AKAP9: variants seen among roughly 807,000 people sequenced by gnomAD.
The protein encoded by AKAP9 is A-kinase anchor protein 9.
AKAP9 carries 311 observed loss-of-function variants against 488.5 expected under a neutral mutation model. The ratio of observed to expected loss-of-function variants is 0.64; its 90% CI spans 0.58 to 0.70. The LOEUF (loss-of-function observed/expected upper bound fraction) is 0.70. Ranked by LOEUF, AKAP9 falls within the 30% of genes least tolerant of loss-of-function variation. AKAP9 has a pLI of 0.00. For synonymous variants in AKAP9, 1,462 were observed against 1,483.5 expected, an observed-to-expected ratio of 0.99 and a Z score of 0.33; for missense variants, 4,215 against 4,374.5, an observed-to-expected ratio of 0.96 and a Z score of 1.03.
chr7:92,029,061 C>A (rs556844160), intron 14 of AKAP9, among the ~76,000 whole-genome samples: 156 of 150,676 alleles, frequency 1.0e-3, no homozygotes, highest in African/African-American at 3.7e-3. Context: ...AGCATAGTTA[C>A]ACATGAAAAT....
chr7:92,050,660 C>T (rs1199225621), intron 21 of AKAP9, among the ~76,000 whole-genome samples: 1 of 152,010 alleles, frequency 6.6e-6, no homozygotes, highest in East Asian at 1.9e-4. Context: ...TCAACTTTGT[C>T]TTCCTTCTCT....
intron 1 of AKAP9, among the ~76,000 whole-genome samples, chr7:91,942,761 TTG>T (rs1475208197): frequency 6.6e-6 from 1 of 152,216 alleles, no homozygotes; most frequent in Non-Finnish European, 1.5e-5. Context: ...TCTAGTTTCT[TTG>T]TGTGTTTCTT....
At position 92,003,209 on chromosome 7, in the gene AKAP9, G is replaced by C. The variant is rs1159123676; in HGVS notation, c.3292G>C (p.Glu1098Gln). The C allele has an allele frequency of 1.9e-6, 3 of 1,606,298 alleles. No individual in the cohort carries two copies. Among genetic ancestry groups the C allele is most frequent in the Non-Finnish European group, 2.6e-6 (3 of 1,174,070 alleles). The change falls in exon 8 of 50, where the codon GAA becomes CAA. Residue 1098 changes from glutamate (E) to glutamine (Q), a missense_variant. Coordinates refer to ENST00000356239, the MANE Select transcript of AKAP9 (RefSeq NM_005751.5). ...QPSENDKLQK[E>Q]LNVLKSEQND... Reference sequence around the variant, plus strand: ...AAGTGAAAATGATAAACTTCAGAAAGAACTCAATGTACTTAAATCAGAACA... The same window carrying C: ...AAGTGAAAATGATAAACTTCAGAAACAACTCAATGTACTTAAATCAGAACA...
At chr7:92,014,174 G>C (rs570971197) in intron 9 of AKAP9, 75 bp from the exon 10 acceptor site, 2 of 1,045,294 alleles carry the variant, frequency 1.9e-6, no homozygotes, top group Non-Finnish European at 3.0e-6. Flanking sequence ...GCTTCCAGTT[G>C]AAACATAAGT....
At position 92,022,363 on chromosome 7, in the gene AKAP9, A is replaced by T; in HGVS notation, c.3952+11A>T. 1 of 1,534,158 alleles carries T rather than the reference A, an allele frequency of 6.5e-7. No individual in the cohort carries two copies. The highest frequency in any genetic ancestry group is 9.0e-7 in the Non-Finnish European group (1 of 1,107,548). Reference sequence around the variant, plus strand: ...ATTTGGAAGACATTGGTAAATTTTGATCATATACCACAATGTGGTGTTTTT... The same window carrying T: ...ATTTGGAAGACATTGGTAAATTTTGTTCATATACCACAATGTGGTGTTTTT... On this transcript the variant is annotated intron_variant, in intron 13 of 49. Transcript: ENST00000356239.
chr7:92,005,730 A>T (rs1799748361), intron 8 of AKAP9, among the ~76,000 whole-genome samples: 1 of 152,082 alleles, frequency 6.6e-6, no homozygotes, highest in Non-Finnish European at 1.5e-5. Flanking sequence ...CAGTGGCGTG[A>T]TCTCAGCTCA....
At chr7:91,997,295 G>A (rs1798515984) in intron 7 of AKAP9, among the ~76,000 whole-genome samples, 1 of 152,204 alleles carries the variant, frequency 6.6e-6, no homozygotes, top group Non-Finnish European at 1.5e-5. Flanking sequence ...ACAAAACAGG[G>A]ATAAGTGTGG....
chr7:91,956,887 A>T (rs1036825544), intron 1 of AKAP9, among the ~76,000 whole-genome samples: 1 of 152,198 alleles, frequency 6.6e-6, no homozygotes, highest in African/African-American at 2.4e-5. Flanking sequence ...CTGTTAAAAA[A>T]TTTTGATGCT....
At position 91,958,666 on chromosome 7, in the gene AKAP9, G is replaced by A. The variant is rs147495801; in HGVS notation, c.49-15045G>A. Among the ~76,000 whole-genome samples, 11 of 152,218 alleles carry A rather than the reference G, an allele frequency of 7.2e-5. No homozygotes were observed. The East Asian group carries it at 1.9e-3, about 27-fold the overall frequency. ...ACTTTAGAGTTGTGTGAGGGAGGCA[G>A]GCAGTAAAGATCTTTCAAAGAGAAA... On this transcript the variant is annotated intron_variant, in intron 1 of 49. Coordinates refer to ENST00000356239, the MANE Select transcript of AKAP9 (RefSeq NM_005751.5).
chr7:92,067,043 A>G (rs1032636416), intron 26 of AKAP9, among the ~76,000 whole-genome samples: 4 of 152,172 alleles, frequency 2.6e-5, no homozygotes, highest in Admixed American at 2.0e-4. Flanking sequence ...GCCTTCTCCC[A>G]GAAATACTTC....
chr7:92,098,056 TA>T, intron 42 of AKAP9, 52 bp from the exon 43 acceptor site: 1 of 1,218,142 alleles, frequency 8.2e-7, no homozygotes, highest in Non-Finnish European at 1.2e-6. Flanking sequence ...TTTGTGGTAG[TA>T]AACACCCCCA....
chr7:91,950,386 A>AT (rs1792067136), intron 1 of AKAP9, among the ~76,000 whole-genome samples: 1 of 151,956 alleles, frequency 6.6e-6, no homozygotes, highest in South Asian at 2.1e-4. Flanking sequence ...CACGCTGCCA[A>AT]GCCCGGCTAA....
At position 92,105,626 on chromosome 7, in the gene AKAP9, T is replaced by A. The variant is rs191796216; in HGVS notation, c.11331-52T>A. 4.8e-6 allele frequency: 6 copies of A among 1,260,350 alleles called. No homozygotes were observed. The African/African-American group carries it at 8.8e-5, about 18-fold the overall frequency. The allele number at this position is 1,260,350 out of a possible 1,614,324, so 78.1% of individuals were successfully genotyped here. The stretch of plus-strand genomic sequence containing the variant: ...TGTGATGTGATTTTTGTAGGAAATG[T>A]ATATACTGTTTATAGATGGGCTGTG... On this transcript the variant is annotated intron_variant, in intron 46 of 49. Transcript: ENST00000356239.
intron 22 of AKAP9, 39 bp from the exon 23 acceptor site, chr7:92,061,221 C>CT: frequency 1.2e-6 from 2 of 1,606,086 alleles, no homozygotes; most frequent in Non-Finnish European, 1.7e-6. Context: ...TATTTCCACA[C>CT]TTTATTTTCT....
chr7:92,091,585 C>CAAAAAAAAAAA (rs796606265), intron 38 of AKAP9, among the ~76,000 whole-genome samples: 1 of 22,084 alleles, frequency 4.5e-5, no homozygotes, highest in Admixed American at 4.1e-4. Context: ...GACTCTGTCT[C>CAAAAAAAAAAA]AAAAAAAAAA....
At chr7:92,031,794 A>G (rs1563016061) in intron 16 of AKAP9, among the ~76,000 whole-genome samples, 190 bp downstream of exon 16, 1 of 152,218 alleles carries the variant, frequency 6.6e-6, no homozygotes, top group African/African-American at 2.4e-5. Context: ...TGAGAAGAGC[A>G]TTGTTCTTGA....
At chr7:91,985,414 G>A (rs987469416) in intron 3 of AKAP9, among the ~76,000 whole-genome samples, 2 of 152,080 alleles carry the variant, frequency 1.3e-5, no homozygotes, top group East Asian at 3.8e-4. Flanking sequence ...GATGGATTAT[G>A]TTTATTGATT....
rs747011533 is a variant in AKAP9 at position 91,973,828 on chromosome 7, A to G, written c.166A>G (p.Asn56Asp). The change falls in exon 2 of 50, where the codon AAT (asparagine) becomes GAT (aspartate). Residue 56 changes from asparagine to aspartate, a missense_variant. Physicochemically the swap from Asn to Asp is conservative, Grantham distance 23. Coordinates refer to ENST00000356239, the MANE Select transcript of AKAP9 (RefSeq NM_005751.5). ...TGATGTGTCAGCACACCATGATTTG[A>G]ATATTGATCAATCACAGTGTAATGA... is the stretch of plus-strand genomic sequence containing the variant. ...KHDVSAHHDL[N>D]IDQSQCNEMY... is the part of the protein sequence containing the mutation. The G allele has an allele frequency of 1.9e-6, 3 of 1,614,188 alleles. No homozygotes were observed. Among genetic ancestry groups the G allele is most frequent in the Non-Finnish European group, 1.7e-6 (2 of 1,180,026 alleles).
intron 2 of AKAP9, 132 bp downstream of exon 2, chr7:91,974,100 T>G: frequency 9.7e-7 from 1 of 1,029,860 alleles, no homozygotes; most frequent in Non-Finnish European, 1.5e-6. Context: ...GTATGGTAAC[T>G]AAACAGTCAT....
Sources: gnomAD v4.1 joint callset for allele counts (sites outside exome capture counted in the v4.1 genomes callset) on GRCh38, gnomAD v4.1.1 for gene constraint, MANE v1.5 for transcripts, NCBI Gene and HGNC (gene_info 2026-07-23, HGNC 2026-07-21) for gene names.